Variants in PDZRN3 observed in about 807,000 individuals in gnomAD.
PDZRN3 encodes E3 ubiquitin-protein ligase PDZRN3.
In PDZRN3, 38 loss-of-function variants were observed where a neutral mutation model predicts 85.7. The observed-to-expected ratio is 0.44, with a 90% CI of 0.34 to 0.58. The LOEUF is 0.58. Among genes scored for constraint, PDZRN3 ranks in the 20% least tolerant of loss-of-function variants. The probability of loss-of-function intolerance (pLI) is 0.01; values close to 1 mark genes in which losing one functional copy is unlikely to be tolerated. For missense variants in PDZRN3, 1,629 were observed against 1,506.4 expected (o/e 1.08, Z -1.35); for synonymous variants, 759 against 638.0 (o/e 1.19, Z -2.86).
Position 73,474,427 on chromosome 3 carries a change from TAAAAAAGG to T in PDZRN3, c.919-70040_919-70033del, listed in dbSNP as rs914901789. 6 of 1,204,456 alleles carry T rather than the reference TAAAAAAGG, an allele frequency of 5.0e-6. No homozygotes were observed. The African/African-American group carries it at 7.9e-5, about 16-fold the overall frequency. The allele number at this position is 1,204,456 out of a possible 1,614,324, so 74.6% of individuals were successfully genotyped here. A position where few individuals can be genotyped will look rare whatever the true frequency, so the allele number is the denominator to read the frequency against. ...CACATCTTATAATTATCTTATTCAT[TAAAAAAGG>T]TGGAGCAGATTAAACTCACCAAATA... On this transcript the variant is annotated intron_variant, in intron 3 of 9. Transcript: ENST00000263666.
rs570185890 is a variant in PDZRN3 at position 73,424,419 on chromosome 3, T to TA, written c.919-20025dup. 6.8e-4 allele frequency among the ~76,000 whole-genome samples: 98 copies of TA among 144,294 alleles called. 1 individual carries two copies. Among genetic ancestry groups the TA allele is most frequent in the Middle Eastern group, 3.8e-3 (1 of 262 alleles). 94.7% of individuals were successfully genotyped at this position (144,294 alleles called of 152,430 possible). A position where few individuals can be genotyped will look rare whatever the true frequency, so the allele number is the denominator to read the frequency against. ...AGCTGAGTGTAGTGGCAGGTGCCTG[T>TA]AGTCCCAGCTACTCGGAAGGCTGAG... On this transcript the variant is annotated intron_variant, in intron 3 of 9. Transcript: ENST00000263666.
At chr3:73,600,337 A>ACACACACACTCT (rs34405662) in intron 3 of PDZRN3, among the ~76,000 whole-genome samples, 83 of 100,072 alleles carry the variant, frequency 8.3e-4, no homozygotes, top group African/African-American at 2.5e-3. Flanking sequence ...ACACACACAC[A>ACACACACACTCT]CTCTCTCTCT....
intron 3 of PDZRN3, among the ~76,000 whole-genome samples, chr3:73,540,667 T>C (rs560924539): frequency 6.6e-6 from 1 of 152,302 alleles, no homozygotes; most frequent in South Asian, 2.1e-4. Context: ...ATGACCTGTT[T>C]ACCTCCCCTT....
chr3:73,537,043 C>CT lies in PDZRN3; in HGVS notation c.918+65310dup, dbSNP rs146275732. ...AACAGGAAAGCTAGGGCAGAGACTG[C>CT]TAATGCTCACTGATGCTGCTCTGGG... On this transcript the variant is annotated intron_variant, in intron 3 of 9. Coordinates refer to ENST00000263666, the MANE Select transcript of PDZRN3 (RefSeq NM_015009.3). Among the ~76,000 whole-genome samples the CT allele has an allele frequency of 4.4e-3, 665 of 152,330 alleles. 8 individuals are homozygous for CT. Among genetic ancestry groups the CT allele is most frequent in the African/African-American group, 0.015 (631 of 41,576 alleles).
chr3:73,491,887 G>A (rs945803342), intron 3 of PDZRN3, among the ~76,000 whole-genome samples: 23 of 152,012 alleles, frequency 1.5e-4, no homozygotes, highest in Non-Finnish European at 2.6e-4. Flanking sequence ...AGGCATGAGC[G>A]ACCATGAAGC....
chr3:73,532,818 A>G (rs1198783173), intron 3 of PDZRN3, among the ~76,000 whole-genome samples: 2 of 152,206 alleles, frequency 1.3e-5, no homozygotes, highest in East Asian at 3.9e-4. Flanking sequence ...GCTGTTGTTT[A>G]GAGGGTCAAT....
intron 3 of PDZRN3, among the ~76,000 whole-genome samples, chr3:73,441,816 G>A (rs1008128180): frequency 1.3e-5 from 2 of 152,194 alleles, no homozygotes; most frequent in African/African-American, 4.8e-5. Context: ...CAATGTACTC[G>A]TGAGGATGCC....
At chr3:73,542,774 C>A (rs888326785) in intron 3 of PDZRN3, among the ~76,000 whole-genome samples, 86 of 151,120 alleles carry the variant, frequency 5.7e-4, no homozygotes, top group African/African-American at 4.1e-4. Flanking sequence ...AACTCCATCT[C>A]AAAAAAATAA....
In PDZRN3 at chr3:73,624,442, C is replaced by G; in HGVS notation, c.384G>C (p.Ala128=). The part of the protein sequence containing the change: ...GQVLLRRDVE[A]HMRDACDARP... ...GCGCGTCGCAGGCGTCGCGCATGTGCGCCTCCACGTCGCGCCGCAGCAGCA... is the reference window on the plus strand; with the variant it reads ...GCGCGTCGCAGGCGTCGCGCATGTGGGCCTCCACGTCGCGCCGCAGCAGCA... The change falls in exon 1 of 10, where the codon GCG becomes GCC. Residue 128 remains alanine (A), a synonymous_variant. Coordinates refer to ENST00000263666, the MANE Select transcript of PDZRN3 (RefSeq NM_015009.3). 1.5e-6 allele frequency: 2 copies of G among 1,335,086 alleles called. No homozygotes were observed. Among genetic ancestry groups the G allele is most frequent in the South Asian group, 3.9e-5 (2 of 51,538 alleles). The allele number at this position is 1,335,086 out of a possible 1,614,324, so 82.7% of individuals were successfully genotyped here.
intron 3 of PDZRN3, among the ~76,000 whole-genome samples, chr3:73,498,279 C>A (rs982658613): frequency 6.6e-6 from 1 of 152,154 alleles, no homozygotes; most frequent in African/African-American, 2.4e-5. Context: ...TGTATCCCGA[C>A]TAACCTGAAA....
chr3:73,551,760 C>T (rs1386360276), intron 3 of PDZRN3, among the ~76,000 whole-genome samples: 1 of 150,552 alleles, frequency 6.6e-6, no homozygotes, highest in African/African-American at 2.4e-5. Context: ...TAGAAGCCTA[C>T]AGAGAAAATC....
chr3:73,500,261 C>G (rs1269981226), intron 3 of PDZRN3, among the ~76,000 whole-genome samples: 2 of 152,170 alleles, frequency 1.3e-5, no homozygotes, highest in Non-Finnish European at 2.9e-5. Flanking sequence ...ATTGCCCAGG[C>G]TGGTATGGAA....
At chr3:73,398,989 G>A (rs185514543) in intron 5 of PDZRN3, among the ~76,000 whole-genome samples, 3 of 152,186 alleles carry the variant, frequency 2.0e-5, no homozygotes, top group African/African-American at 7.2e-5. Context: ...CTGTAAGGCA[G>A]AATGGCCCAA....
At chr3:73,460,018 GTTA>G (rs1326068181) in intron 3 of PDZRN3, among the ~76,000 whole-genome samples, 1 of 152,178 alleles carries the variant, frequency 6.6e-6, no homozygotes, top group African/African-American at 2.4e-5. Context: ...GACAGAATCT[GTTA>G]TTGTTAGAAT....
intron 3 of PDZRN3, among the ~76,000 whole-genome samples, chr3:73,495,791 T>G (rs1217286984): frequency 2.0e-5 from 3 of 152,228 alleles, no homozygotes; most frequent in Non-Finnish European, 4.4e-5. Context: ...AAAGAAAGTT[T>G]ATGTAAATGA....
At chr3:73,415,048 G>A (rs973001935) in intron 3 of PDZRN3, among the ~76,000 whole-genome samples, 2 of 152,168 alleles carry the variant, frequency 1.3e-5, no homozygotes, top group African/African-American at 2.4e-5. Context: ...GATTGCGAAT[G>A]TCTCCATGCT....
chr3:73,478,348 T>C (rs534862962), intron 3 of PDZRN3, among the ~76,000 whole-genome samples: 1 of 152,202 alleles, frequency 6.6e-6, no homozygotes, highest in African/African-American at 2.4e-5. Flanking sequence ...TAGATTTTCA[T>C]AGGAGCATGG....
chr3:73,501,291 C>T lies in PDZRN3; in HGVS notation c.919-96896G>A, dbSNP rs143839671. On this transcript the variant is annotated intron_variant, in intron 3 of 9. Coordinates refer to ENST00000263666, the MANE Select transcript of PDZRN3 (RefSeq NM_015009.3). ...TGAGCTAGAGGCATCTCTCTGAGTC[C>T]TTTCCACTGTCAACTGGGACACGGG... Among the ~76,000 whole-genome samples the T allele has an allele frequency of 1.0e-3, 155 of 152,326 alleles. 1 individual carries two copies. Among genetic ancestry groups the T allele is most frequent in the African/African-American group, 2.9e-3 (120 of 41,580 alleles).
At chr3:73,505,172 A>C (rs1704048061) in intron 3 of PDZRN3, among the ~76,000 whole-genome samples, 1 of 152,218 alleles carries the variant, frequency 6.6e-6, no homozygotes, top group Non-Finnish European at 1.5e-5. Flanking sequence ...TTAATTAAGA[A>C]CTAAACTATA....
Sources: gnomAD v4.1 joint callset for allele counts (sites outside exome capture counted in the v4.1 genomes callset) on GRCh38, gnomAD v4.1.1 for gene constraint, MANE v1.5 for transcripts, NCBI Gene and HGNC (gene_info 2026-07-23, HGNC 2026-07-21) for gene names.